The following LAP3 variants were observed in gnomAD, a reference collection of about 807,000 sequenced individuals.
LAP3 encodes the protein leucine aminopeptidase 3.
LAP3 carries 46 observed loss-of-function variants against 58.8 expected under a neutral mutation model. That is an observed-to-expected ratio of 0.78 (90% CI 0.62 to 1.00). The LOEUF (loss-of-function observed/expected upper bound fraction) is 1.00. Among genes scored for constraint, LAP3 ranks in the 50% least tolerant of loss-of-function variants. LAP3 has a pLI of 0.00. For missense variants in LAP3, 615 were observed against 659.1 expected (o/e 0.93, Z 0.73); for synonymous variants, 257 against 237.7 (o/e 1.08, Z -0.75).
intron 7 of LAP3, among the ~76,000 whole-genome samples, chr4:17,592,808 C>T (rs1577222507): frequency 6.6e-6 from 1 of 152,172 alleles, no homozygotes; most frequent in African/African-American, 2.4e-5. Context: ...CTAATGAAGT[C>T]GGTCATTTTT....
intron 7 of LAP3, 28 bp from the exon 8 acceptor site, chr4:17,595,382 A>G (rs1713804810): frequency 6.2e-7 from 1 of 1,611,300 alleles, no homozygotes; most frequent in African/African-American, 1.3e-5. Flanking sequence ...TTTGCTCTTA[A>G]TATTGCACGT....
At chr4:17,593,083 C>T (rs1411312265) in intron 7 of LAP3, among the ~76,000 whole-genome samples, 2 of 152,232 alleles carry the variant, frequency 1.3e-5, no homozygotes, top group Non-Finnish European at 2.9e-5. Flanking sequence ...CAGGCATGAG[C>T]CATCACACCC....
chr4:17,577,479 C>G lies in LAP3; in HGVS notation c.14C>G (p.Pro5Arg), dbSNP rs1201914327. 5.1e-6 allele frequency: 8 copies of G among 1,580,032 alleles called. No homozygotes were observed. The South Asian group carries it at 6.9e-5, about 14-fold the overall frequency. ...CGAGCCGACAAGATGTTCTTGCTGCCTCTTCCGGCTGCGGGGCGAGTAGTC... is the reference window on the plus strand; with the variant it reads ...CGAGCCGACAAGATGTTCTTGCTGCGTCTTCCGGCTGCGGGGCGAGTAGTC... MFLL[P>R]LPAAGRVVVR... Residue 5 changes from proline (P) to arginine (R), a missense_variant, in exon 1 of 13, where the codon CCT becomes CGT. Transcript: ENST00000226299.
intron 2 of LAP3, among the ~76,000 whole-genome samples, chr4:17,581,525 G>A (rs1713361343): frequency 6.6e-6 from 1 of 151,816 alleles, no homozygotes; most frequent in Non-Finnish European, 1.5e-5. Context: ...GATTGCTTGA[G>A]CATAGGAGTT....
chr4:17,581,750 C>T lies in LAP3; in HGVS notation c.219-10C>T, dbSNP rs1333029634. The T allele has an allele frequency of 6.2e-7, 1 of 1,612,162 alleles. No homozygotes were observed. Among genetic ancestry groups the T allele is most frequent in the Non-Finnish European group, 8.5e-7 (1 of 1,178,530 alleles). ...ACTTGTTTTAAAACGACTATTTCCT[C>T]TTGTTTTAGATCTGGACCACCTCTG... is the stretch of plus-strand genomic sequence containing the variant. On this transcript the variant is annotated splice_polypyrimidine_tract_variant and intron_variant, in intron 2 of 12. Transcript: ENST00000226299.
intron 2 of LAP3, among the ~76,000 whole-genome samples, chr4:17,581,171 C>T (rs1035781345): frequency 3.3e-5 from 5 of 152,160 alleles, no homozygotes; most frequent in South Asian, 2.1e-4. Context: ...GTATCCGGTT[C>T]GGGTATCCAG....
chr4:17,603,619 G>A (rs1216658287), intron 10 of LAP3, among the ~76,000 whole-genome samples: 1 of 150,856 alleles, frequency 6.6e-6, no homozygotes, highest in Non-Finnish European at 1.5e-5. Context: ...CGGTTCAAGC[G>A]ATTCTCCTGC....
In LAP3 at chr4:17,598,636, G is replaced by A. The variant is rs924329126; in HGVS notation, c.1180+78G>A. 8 of 1,039,292 alleles carry A rather than the reference G, an allele frequency of 7.7e-6. No homozygotes were observed. The African/African-American group carries it at 1.3e-4, about 17-fold the overall frequency. The allele number at this position is 1,039,292 out of a possible 1,614,324, so 64.4% of individuals were successfully genotyped here. A position where few individuals can be genotyped will look rare whatever the true frequency, so the allele number is the denominator to read the frequency against. The stretch of plus-strand genomic sequence containing the variant: ...ATGGATTTCACACACTATACTTGTG[G>A]CATTATTTTGCTAAAATTTGGCTTG... On this transcript the variant is annotated intron_variant, in intron 10 of 12. Coordinates refer to ENST00000226299, the MANE Select transcript of LAP3 (RefSeq NM_015907.3).
At chr4:17,600,991 G>A (rs1447714499) in intron 10 of LAP3, among the ~76,000 whole-genome samples, 9 of 152,182 alleles carry the variant, frequency 5.9e-5, no homozygotes. Flanking sequence ...AGATGTTACT[G>A]TCCTTTGCCT....
rs977913241 is a variant in LAP3, at chr4:17,581,869, C to T, written c.273+55C>T. ...CCCTCAATGAGCATCTACTGTACAC[C>T]AAGTATTGGGGCTGTCTAGTCATAC... On this transcript the variant is annotated intron_variant, in intron 3 of 12. Transcript: ENST00000226299. 2.3e-5 allele frequency: 31 copies of T among 1,346,848 alleles called. 1 individual carries two copies. In the Admixed American group the frequency reaches 5.0e-4, roughly 22 times the overall value. The allele number at this position is 1,346,848 out of a possible 1,614,324, so 83.4% of individuals were successfully genotyped here.
At chr4:17,589,037 A>T (rs1577221254) in intron 7 of LAP3, 60 bp downstream of exon 7, 1 of 1,535,658 alleles carries the variant, frequency 6.5e-7, no homozygotes, top group South Asian at 1.2e-5. Flanking sequence ...CAGTTTAATT[A>T]CTTGGTTATA....
At chr4:17,581,870 A>G in intron 3 of LAP3, 56 bp downstream of exon 3, 1 of 1,334,904 alleles carries the variant, frequency 7.5e-7, no homozygotes, top group Non-Finnish European at 1.1e-6. Context: ...ACTGTACACC[A>G]AGTATTGGGG....
At chr4:17,579,222 G>T (rs1713287390) in intron 1 of LAP3, among the ~76,000 whole-genome samples, 1 of 152,144 alleles carries the variant, frequency 6.6e-6, no homozygotes, top group African/African-American at 2.4e-5. Context: ...TCATATGGGG[G>T]TAACTAACAG....
chr4:17,604,233 A>AC (rs1192200474), intron 10 of LAP3, among the ~76,000 whole-genome samples: 1 of 148,944 alleles, frequency 6.7e-6, no homozygotes, highest in East Asian at 2.0e-4. Context: ...CTCTGATCAT[A>AC]CCACTACACT....
chr4:17,578,721 A>G (rs922687809), intron 1 of LAP3, among the ~76,000 whole-genome samples: 7 of 152,192 alleles, frequency 4.6e-5, no homozygotes, highest in Non-Finnish European at 7.3e-5. Flanking sequence ...TTGCTTCCTC[A>G]TTTCTGGTAT....
At chr4:17,590,547 C>G (rs926620675) in intron 7 of LAP3, among the ~76,000 whole-genome samples, 14 of 152,210 alleles carry the variant, frequency 9.2e-5, no homozygotes, top group East Asian at 3.9e-4. Context: ...ATGCATTATA[C>G]TATTGTACTA....
chr4:17,578,704 A>G (rs761671871), intron 1 of LAP3, among the ~76,000 whole-genome samples: 1 of 152,378 alleles, frequency 6.6e-6, no homozygotes, highest in Non-Finnish European at 1.5e-5. Context: ...ACTAAGTATT[A>G]CTAGGTTTGC....
intron 2 of LAP3, 91 bp downstream of exon 2, chr4:17,580,030 C>G (rs1713310099): frequency 1.3e-6 from 1 of 743,538 alleles, no homozygotes; most frequent in Non-Finnish European, 2.2e-6. Flanking sequence ...CAGAGTCTTG[C>G]TCTGTTGCCC....
chr4:17,590,342 T>C (rs1428818381), intron 7 of LAP3, among the ~76,000 whole-genome samples: 2 of 152,138 alleles, frequency 1.3e-5, no homozygotes, highest in African/African-American at 4.8e-5. Context: ...AGGAAGCCCC[T>C]GTCATTGGCA....
Sources: gnomAD v4.1 joint callset for allele counts (sites outside exome capture counted in the v4.1 genomes callset) on GRCh38, gnomAD v4.1.1 for gene constraint, MANE v1.5 for transcripts, NCBI Gene and HGNC (gene_info 2026-07-23, HGNC 2026-07-21) for gene names.